SNED1: variants seen among roughly 807,000 people sequenced by gnomAD.
The protein encoded by SNED1 is sushi, nidogen and EGF like domains 1.
SNED1 carries 81 observed loss-of-function variants against 166.7 expected under a neutral mutation model. That is an observed-to-expected ratio of 0.49 (90% CI 0.41 to 0.58). The LOEUF (loss-of-function observed/expected upper bound fraction) is 0.58, where lower values mean the gene tolerates loss of function less well. Among genes scored for constraint, SNED1 ranks in the 20% least tolerant of loss-of-function variants. The pLI is 0.00. For synonymous variants in SNED1, 762 were observed against 822.0 expected (o/e 0.93, Z 1.25); for missense variants, 1,604 against 2,000.2 (o/e 0.80, Z 3.78).
chr2:241,036,362 C>T (rs1286076284), intron 4 of SNED1, among the ~76,000 whole-genome samples: 1 of 152,048 alleles, frequency 6.6e-6, no homozygotes, highest in Non-Finnish European at 1.5e-5. Flanking sequence ...CCTCCTGCAG[C>T]CCCCAGCCAC....
chr2:241,062,043 CAA>C (rs1211025840), intron 16 of SNED1, among the ~76,000 whole-genome samples: 1 of 151,942 alleles, frequency 6.6e-6, no homozygotes, highest in African/African-American at 2.4e-5. Flanking sequence ...TGAGAGAAGA[CAA>C]TATATATCAT....
intron 29 of SNED1, among the ~76,000 whole-genome samples, chr2:241,086,855 G>C (rs74680618): frequency 0.087 from 13,231 of 152,236 alleles, 676 homozygotes; most frequent in African/African-American, 0.14. Context: ...GGTATGAGTA[G>C]GTCCCATTTT....
At position 241,048,357 on chromosome 2, in the gene SNED1, A is replaced by T. The variant is rs754383001; in HGVS notation, c.1316A>T (p.His439Leu). The change falls in exon 9 of 32, where the codon CAC becomes CTC. Residue 439 changes from histidine (H) to leucine (L), a missense_variant. By Grantham distance (99) the His-to-Leu change is moderately conservative (BLOSUM62 -3). Coordinates refer to ENST00000310397, the MANE Select transcript of SNED1 (RefSeq NM_001080437.3). ...GACGCCTGCCTCTCGGCCCCTTGCC[A>T]CAATGGGGGCACCTGTGTGGATGCG... is the stretch of plus-strand genomic sequence containing the variant. ...VPDACLSAPCHNGGTCVDADQ... is the reference protein window; with the variant it reads ...VPDACLSAPCLNGGTCVDADQ... The T allele has an allele frequency of 3.1e-6, 5 of 1,611,584 alleles. No homozygotes were observed. The highest frequency in any genetic ancestry group is 4.2e-6 in the Non-Finnish European group (5 of 1,179,008).
intron 5 of SNED1, 47 bp from the exon 6 acceptor site, chr2:241,037,191 CCT>C: frequency 4.8e-6 from 7 of 1,457,498 alleles, no homozygotes; most frequent in African/African-American, 1.4e-5. Flanking sequence ...AGAGAAAACT[CCT>C]CATCCGGGTT....
intron 11 of SNED1, 31 bp downstream of exon 11, chr2:241,049,166 C>G (rs1178149978): frequency 6.4e-7 from 1 of 1,555,394 alleles, no homozygotes; most frequent in East Asian, 2.3e-5. Flanking sequence ...CCTGCTGGGC[C>G]GGGGGCCCGG....
At chr2:241,090,041 A>T (rs1185208877) in intron 31 of SNED1, 2 of 1,543,342 alleles carry the variant, frequency 1.3e-6, no homozygotes, top group Admixed American at 2.0e-5. Context: ...ATAATAAATT[A>T]GTCCTGCAAT....
intron 8 of SNED1, among the ~76,000 whole-genome samples, chr2:241,047,191 A>G (rs1224477977): frequency 1.3e-5 from 2 of 151,694 alleles, no homozygotes; most frequent in East Asian, 3.9e-4. Flanking sequence ...AAACTAATCA[A>G]GATAATGCTG....
intron 11 of SNED1, 129 bp downstream of exon 11, chr2:241,049,264 G>A: frequency 1.5e-6 from 1 of 671,446 alleles, no homozygotes; most frequent in Non-Finnish European, 2.6e-6. Context: ...CTGGCACCTG[G>A]GGAAGCCTCT....
Position 241,065,344 on chromosome 2 carries a change from G to C in SNED1, c.2759G>C (p.Ser920Thr). The C allele has an allele frequency of 1.9e-6, 3 of 1,613,046 alleles. No individual in the cohort carries two copies. The highest frequency in any genetic ancestry group is 2.5e-6 in the Non-Finnish European group (3 of 1,179,838). ...CTCAAGATGGAGAGAGTGGAGGAGAGTGGGGTCTCTATCTCCTGGAACCCG... is the reference window on the plus strand; with the variant it reads ...CTCAAGATGGAGAGAGTGGAGGAGACTGGGGTCTCTATCTCCTGGAACCCG... ...TALKMERVEE[S>T]GVSISWNPPN... The change falls in exon 21 of 32, where the codon AGT becomes ACT. Residue 920 changes from serine (S) to threonine (T), a missense_variant. By Grantham distance (58) the Ser-to-Thr change is moderately conservative (BLOSUM62 1). Transcript: ENST00000310397.
At chr2:241,062,669 C>A (rs771008520) in intron 16 of SNED1, 122 bp from the exon 17 acceptor site, 1 of 735,974 alleles carries the variant, frequency 1.4e-6, no homozygotes, top group Non-Finnish European at 2.4e-6. Context: ...TGGTCTCTGG[C>A]CTTTCCAACC....
intron 27 of SNED1, among the ~76,000 whole-genome samples, chr2:241,076,858 G>A (rs962960741): frequency 1.3e-5 from 2 of 152,222 alleles, no homozygotes; most frequent in African/African-American, 4.8e-5. Flanking sequence ...TTGGGAGGCC[G>A]AGGCGGGCGG....
chr2:241,070,131 T>C lies in SNED1; in HGVS notation c.3519T>C (p.Ser1173=), dbSNP rs2062634146. 3 of 1,612,216 alleles carry C rather than the reference T, an allele frequency of 1.9e-6. No individual in the cohort carries two copies. The highest frequency in any genetic ancestry group is 2.5e-6 in the Non-Finnish European group (3 of 1,179,748). Residue 1173 remains serine, a synonymous_variant, in exon 24 of 32, where the codon TCT becomes TCC. Coordinates refer to ENST00000310397, the MANE Select transcript of SNED1 (RefSeq NM_001080437.3). ...DLLPGRRYQL[S]VIAVQSTELG... Reference sequence around the variant, plus strand: ...TGCCGGGACGGCGGTACCAGCTCTCTGTGATAGCAGTGCAGAGCACGGAGC... The same window carrying C: ...TGCCGGGACGGCGGTACCAGCTCTCCGTGATAGCAGTGCAGAGCACGGAGC...
chr2:241,013,380 A>G lies in SNED1; in HGVS notation c.213+14330A>G, dbSNP rs1351031753. ...GAGTGCAGTGGCCTGAGCCTAGCTC[A>G]CTGTAACCTCGAACTCATGGGCTCC... On this transcript the variant is annotated intron_variant, in intron 1 of 31. Coordinates refer to ENST00000310397, the MANE Select transcript of SNED1 (RefSeq NM_001080437.3). This position sits in a 1 kb window ranked among gnomAD's most constrained non-coding sequence, Gnocchi z 4.6. Among the ~76,000 whole-genome samples, 1 of 152,190 alleles carries G rather than the reference A, an allele frequency of 6.6e-6. No homozygotes were observed. The highest frequency in any genetic ancestry group is 1.5e-5 in the Non-Finnish European group (1 of 68,032).
chr2:241,089,087 G>GC, intron 31 of SNED1: 1 of 462,762 alleles, frequency 2.2e-6, no homozygotes. Flanking sequence ...CACACAAACT[G>GC]CCGAATCTTA....
In SNED1 at chr2:240,999,394, A is replaced by G. The variant is rs920811997; in HGVS notation, c.213+344A>G. On this transcript the variant is annotated intron_variant, in intron 1 of 31. Transcript: ENST00000310397. The surrounding 1 kb of genome is among the most constrained non-coding windows in gnomAD (Gnocchi z 5.8). Reference sequence around the variant, plus strand: ...ACTGCCCTGGTTTTCACACATGGCAATGTGGCCGTGGGCACGGGCTTCCCG... The same window carrying G: ...ACTGCCCTGGTTTTCACACATGGCAGTGTGGCCGTGGGCACGGGCTTCCCG... Among the ~76,000 whole-genome samples, 3 of 152,088 alleles carry G rather than the reference A, an allele frequency of 2.0e-5. No homozygotes were observed. Among genetic ancestry groups the G allele is most frequent in the African/African-American group, 4.8e-5 (2 of 41,416 alleles).
Position 241,052,853 on chromosome 2 carries a change from C to T in SNED1, c.2084-300C>T, listed in dbSNP as rs370232088. 4.4e-3 allele frequency among the ~76,000 whole-genome samples: 347 copies of T among 78,710 alleles called. 6 individuals are homozygous for T. Among genetic ancestry groups the T allele is most frequent in the Non-Finnish European group, 8.9e-3 (286 of 32,054 alleles). 51.6% of individuals were successfully genotyped at this position (78,710 alleles called of 152,430 possible). On this transcript the variant is annotated intron_variant, in intron 15 of 31. Transcript: ENST00000310397. ...GCCGGTGTCAGGCAGGTGAGATGGC[C>T]GGGGGGCCGAGCAGGGTACATGGGA... is the stretch of plus-strand genomic sequence containing the variant.
chr2:241,004,949 C>T lies in SNED1; in HGVS notation c.213+5899C>T, dbSNP rs1237962616. ...TCTTGGCCAGGCTGGTCTTGAACTC[C>T]TGATCTCGTGATCCACCCACCTCAG... On this transcript the variant is annotated intron_variant, in intron 1 of 31. Coordinates refer to ENST00000310397, the MANE Select transcript of SNED1 (RefSeq NM_001080437.3). Among the ~76,000 whole-genome samples, 3 of 152,146 alleles carry T rather than the reference C, an allele frequency of 2.0e-5. No individual in the cohort carries two copies. In the East Asian group the frequency reaches 5.8e-4, roughly 29 times the overall value.
In SNED1 at chr2:240,998,996, G is replaced by A; in HGVS notation, c.159G>A (p.Leu53=). The A allele has an allele frequency of 7.5e-7, 1 of 1,327,622 alleles. No homozygotes were observed. Among genetic ancestry groups the A allele is most frequent in the Non-Finnish European group, 9.7e-7 (1 of 1,035,630 alleles). 82.2% of individuals were successfully genotyped at this position (1,327,622 alleles called of 1,614,324 possible). The part of the protein sequence containing the change: ...TPKQDDGGSG[L]RPLSVPFPFF... The stretch of plus-strand genomic sequence containing the variant: ...AGCAGGACGACGGCGGCTCGGGGCT[G>A]CGGCCGCTCTCGGTGCCCTTCCCGT... The change falls in exon 1 of 32, where the codon CTG becomes CTA. Residue 53 remains leucine (L), a synonymous_variant. Coordinates refer to ENST00000310397, the MANE Select transcript of SNED1 (RefSeq NM_001080437.3).
intron 1 of SNED1, among the ~76,000 whole-genome samples, chr2:241,023,850 C>G (rs1047819393): frequency 2.8e-5 from 4 of 142,496 alleles, no homozygotes; most frequent in African/African-American, 7.9e-5. Flanking sequence ...TAAACTGGAA[C>G]ATTTAATTTA....
Sources: gnomAD v4.1 joint callset for allele counts (sites outside exome capture counted in the v4.1 genomes callset) on GRCh38, gnomAD v4.1.1 for gene constraint, Gnocchi (gnomAD v3.1) non-coding constraint, MANE v1.5 for transcripts, NCBI Gene and HGNC (gene_info 2026-07-23, HGNC 2026-07-21) for gene names.